RPS26: variants seen among roughly 807,000 people sequenced by gnomAD.
The protein encoded by RPS26 is ribosomal protein S26.
RPS26 carries 1 observed loss-of-function variant against 14.7 expected under a neutral mutation model. The ratio of observed to expected loss-of-function variants is 0.07; its 90% CI spans 0.02 to 0.32. The LOEUF (loss-of-function observed/expected upper bound fraction) is 0.32. Among genes scored for constraint, RPS26 ranks in the 10% least tolerant of loss-of-function variants. The probability of loss-of-function intolerance (pLI) is 1.00; values close to 1 mark genes in which losing one functional copy is unlikely to be tolerated. For synonymous variants in RPS26, 59 were observed against 53.1 expected, an observed-to-expected ratio of 1.11 and a Z score of -0.48; for missense variants, 63 against 157.7, an observed-to-expected ratio of 0.40 and a Z score of 3.22.
In RPS26 at chr12:56,044,431, T is replaced by A; in HGVS notation, c.*277T>A. ...TGATCTCAGCTCACTGCAACCTCCG[T>A]CTCCCGGGTTCAAGTGATTCTCCTG... is the stretch of plus-strand genomic sequence containing the variant. On this transcript the variant is annotated 3_prime_UTR_variant, in exon 4 of 4. Transcript: ENST00000646449. 1 of 375,390 alleles carries A rather than the reference T, an allele frequency of 2.7e-6. No individual in the cohort carries two copies. Among genetic ancestry groups the A allele is most frequent in the Non-Finnish European group, 4.8e-6 (1 of 209,716 alleles). The allele number at this position is 375,390 out of a possible 1,614,324, so 23.3% of individuals were successfully genotyped here.
Position 56,044,108 on chromosome 12 carries a change from T to C in RPS26, c.313-11T>C, listed in dbSNP as rs1895931314. 6.2e-7 allele frequency: 1 copy of C among 1,613,054 alleles called. No individual in the cohort carries two copies. The highest frequency in any genetic ancestry group is 1.3e-5 in the African/African-American group (1 of 74,840). On this transcript the variant is annotated splice_polypyrimidine_tract_variant and intron_variant, in intron 3 of 3. Transcript: ENST00000646449. ...GGTTTTAATTTACTCTTTTGTTTCT[T>C]TGTCTTTCAGGGTGCTGCCCCACGT...
chr12:56,042,348 T>A, intron 1 of RPS26, 77 bp from the exon 2 acceptor site: 1 of 1,557,040 alleles, frequency 6.4e-7, no homozygotes, highest in Non-Finnish European at 8.8e-7. Context: ...AGGCTGCCGG[T>A]GCGGCTTGTG....
chr12:56,042,333 C>G (rs1225116205), intron 1 of RPS26, 92 bp from the exon 2 acceptor site: 4 of 1,539,594 alleles, frequency 2.6e-6, no homozygotes, highest in East Asian at 4.5e-5. Context: ...GCGGCGCCTT[C>G]CTGGAGGCTG....
At chr12:56,042,837 T>G in intron 2 of RPS26, 1 of 590,168 alleles carries the variant, frequency 1.7e-6, no homozygotes, top group Non-Finnish European at 3.0e-6. Flanking sequence ...TTTGCCTGTT[T>G]CGGTTATGAG....
At position 56,042,069 on chromosome 12, in the gene RPS26, G is replaced by A; in HGVS notation, c.-98G>A. 1.6e-6 allele frequency: 2 copies of A among 1,267,804 alleles called. No individual in the cohort carries two copies. Among genetic ancestry groups the A allele is most frequent in the Admixed American group, 1.7e-5 (1 of 58,642 alleles). The allele number at this position is 1,267,804 out of a possible 1,614,324, so 78.5% of individuals were successfully genotyped here. A position where few individuals can be genotyped will look rare whatever the true frequency, so the allele number is the denominator to read the frequency against. ...AAGTGAGTTGCCGTTCTTGAAGCCC[G>A]TCTCCTAAGGATTCTCCCGGTGTCC... On this transcript the variant is annotated 5_prime_UTR_variant, in exon 1 of 4. Transcript: ENST00000646449.
At chr12:56,042,769 T>C in intron 2 of RPS26, 167 bp downstream of exon 2, 1 of 701,382 alleles carries the variant, frequency 1.4e-6, no homozygotes, top group East Asian at 2.7e-5. Flanking sequence ...TTTTGATTCT[T>C]TTCTGGGCAG....
At chr12:56,043,180 G>T in intron 2 of RPS26, 183 bp from the exon 3 acceptor site, 1 of 601,072 alleles carries the variant, frequency 1.7e-6, no homozygotes, top group Non-Finnish European at 3.0e-6. Context: ...AAAACTGAGG[G>T]TTATACATAT....
Position 56,042,136 on chromosome 12 carries a change from C to A in RPS26, c.-31C>A. 1 of 1,613,708 alleles carries A rather than the reference C, an allele frequency of 6.2e-7. No homozygotes were observed. Among genetic ancestry groups the A allele is most frequent in the Non-Finnish European group, 8.5e-7 (1 of 1,179,668 alleles). On this transcript the variant is annotated 5_prime_UTR_variant, in exon 1 of 4. Transcript: ENST00000646449. ...CTATATAGGAGGGCCCTGCCAGGCA[C>A]CGTCTCCTCTCTCCGGTCCGTGCCT...
rs201040758 is a variant in RPS26 at position 56,042,621 on chromosome 12, C to T, written c.181+19C>T. ...TTCGATGGTAAGTGGGTCACCGGCG[C>T]GAACTGTGTGAGGATCCCAGTATCT... On this transcript the variant is annotated intron_variant, in intron 2 of 3. Transcript: ENST00000646449. The T allele has an allele frequency of 1.2e-5, 19 of 1,594,774 alleles. No homozygotes were observed. Among genetic ancestry groups the T allele is most frequent in the Non-Finnish European group, 1.5e-5 (18 of 1,176,548 alleles).
At position 56,042,011 on chromosome 12, in the gene RPS26, C is replaced by T; in HGVS notation, c.-156C>T. Reference sequence around the variant, plus strand: ...AACGCATTTCCACCCTAGATTTCAGCAGAAATGCTGAATGTAAAGGAATAT... The same window carrying T: ...AACGCATTTCCACCCTAGATTTCAGTAGAAATGCTGAATGTAAAGGAATAT... On this transcript the variant is annotated 5_prime_UTR_variant, in exon 1 of 4. Transcript: ENST00000646449. 3.8e-6 allele frequency: 3 copies of T among 789,548 alleles called. No individual in the cohort carries two copies. In the South Asian group the frequency reaches 4.3e-5, roughly 11 times the overall value. 48.9% of individuals were successfully genotyped at this position (789,548 alleles called of 1,614,324 possible). A position where few individuals can be genotyped will look rare whatever the true frequency, so the allele number is the denominator to read the frequency against.
chr12:56,043,584 A>G, intron 3 of RPS26, 91 bp downstream of exon 3: 2 of 1,300,760 alleles, frequency 1.5e-6, no homozygotes, highest in Non-Finnish European at 2.2e-6. Context: ...TGTAACCTCA[A>G]CACTTTGGGA....
Position 56,044,345 on chromosome 12 carries a change from C to CTTT in RPS26, c.*209_*211dup, listed in dbSNP as rs1191650736. 5.8e-3 allele frequency: 1,543 copies of CTTT among 265,540 alleles called. 7 individuals are homozygous for CTTT. Among genetic ancestry groups the CTTT allele is most frequent in the African/African-American group, 8.4e-3 (197 of 23,512 alleles). The allele number at this position is 265,540 out of a possible 1,614,324, so 16.4% of individuals were successfully genotyped here. A position where few individuals can be genotyped will look rare whatever the true frequency, so the allele number is the denominator to read the frequency against. ...CTTATTCATGTAATTTAATTTTTTT[C>CTTT]TTTTTTTTTTTTTTTTTTTTGAGAC... On this transcript the variant is annotated 3_prime_UTR_variant, in exon 4 of 4. Transcript: ENST00000646449.
rs1230023426 is a variant in RPS26, at chr12:56,044,185, C to G, written c.*31C>G. The G allele has an allele frequency of 6.6e-7, 1 of 1,525,688 alleles. No individual in the cohort carries two copies. Among genetic ancestry groups the G allele is most frequent in the African/African-American group, 1.4e-5 (1 of 72,594 alleles). The allele number at this position is 1,525,688 out of a possible 1,614,324, so 94.5% of individuals were successfully genotyped here. On this transcript the variant is annotated 3_prime_UTR_variant, in exon 4 of 4. Coordinates refer to ENST00000646449, the MANE Select transcript of RPS26 (RefSeq NM_001029.5). Reference sequence around the variant, plus strand: ...TGAGTTCTTAAAGACTGAAGACAGGCTATTCTCTGGAGAAAAATAAAATGG... The same window carrying G: ...TGAGTTCTTAAAGACTGAAGACAGGGTATTCTCTGGAGAAAAATAAAATGG...
In RPS26 at chr12:56,041,956, A is replaced by G. The variant is rs1368301684; in HGVS notation, c.-211A>G. The G allele has an allele frequency of 4.6e-6, 3 of 657,124 alleles. No homozygotes were observed. The highest frequency in any genetic ancestry group is 4.4e-5 in the Admixed American group (2 of 45,368). The allele number at this position is 657,124 out of a possible 1,614,324, so 40.7% of individuals were successfully genotyped here. A position where few individuals can be genotyped will look rare whatever the true frequency, so the allele number is the denominator to read the frequency against. On this transcript the variant is annotated 5_prime_UTR_variant, in exon 1 of 4. Coordinates refer to ENST00000646449, the MANE Select transcript of RPS26 (RefSeq NM_001029.5). ...CATCCGGCTAAATAGTCCCATGTGC[A>G]CTTTGTTCCATGGATAAATAAACAC... is the stretch of plus-strand genomic sequence containing the variant.
chr12:56,042,935 A>G, intron 2 of RPS26: 1 of 437,580 alleles, frequency 2.3e-6, no homozygotes, highest in South Asian at 2.2e-5. Context: ...GTGAGGAAGA[A>G]TGTCTTCAAC....
chr12:56,043,331 A>T, intron 2 of RPS26, 32 bp from the exon 3 acceptor site: 1 of 1,604,502 alleles, frequency 6.2e-7, no homozygotes, highest in South Asian at 1.1e-5. Context: ...TAGGTATATA[A>T]TACCAGTATA....
Position 56,042,198 on chromosome 12 carries a change from G to T in RPS26, c.3+29G>T, listed in dbSNP as rs549793649. 6.8e-6 allele frequency: 11 copies of T among 1,613,932 alleles called. No individual in the cohort carries two copies. In the South Asian group the frequency reaches 1.1e-4, roughly 16 times the overall value. The stretch of plus-strand genomic sequence containing the variant: ...AGTCTTCTTGCGTGGTGAGGGTGGG[G>T]GTTCGGGTGCAGACTCTGGGATTGT... On this transcript the variant is annotated intron_variant, in intron 1 of 3. Transcript: ENST00000646449.
At chr12:56,043,750 G>T (rs151140134) in intron 3 of RPS26, among the ~76,000 whole-genome samples, 244 of 152,086 alleles carry the variant, frequency 1.6e-3, no homozygotes, top group African/African-American at 5.2e-3. Context: ...GTTTGAGGTT[G>T]CAGTGAGCTA....
At chr12:56,042,854 A>T in intron 2 of RPS26, 1 of 568,994 alleles carries the variant, frequency 1.8e-6, no homozygotes, top group South Asian at 2.0e-5. Flanking sequence ...TGAGATTGCA[A>T]AAACTAGAAA....
Sources: allele counts gnomAD v4.1 joint callset (sites outside exome capture counted in the v4.1 genomes callset), GRCh38; gene constraint gnomAD v4.1.1; transcripts MANE v1.5; gene names NCBI Gene and HGNC (gene_info 2026-07-23, HGNC 2026-07-21).